TRIM16: variants seen among roughly 807,000 people sequenced by gnomAD.
The protein encoded by TRIM16 is tripartite motif-containing protein 16.
Under a neutral mutation model 50.4 loss-of-function variants are expected in TRIM16, and 33 were observed. The ratio of observed to expected loss-of-function variants is 0.65; its 90% CI spans 0.50 to 0.88. TRIM16 has a LOEUF of 0.88. Among genes scored for constraint, TRIM16 ranks in the 40% least tolerant of loss-of-function variants. TRIM16 has a pLI of 0.00. For missense variants in TRIM16, 581 were observed against 686.8 expected (o/e 0.85, Z 1.72); for synonymous variants, 229 against 270.7 (o/e 0.85, Z 1.51).
intron 6 of TRIM16, 35 bp from the exon 7 acceptor site, chr17:15,651,981 AAG>A: frequency 6.1e-6 from 7 of 1,142,826 alleles, no homozygotes; most frequent in Non-Finnish European, 7.6e-6. Context: ...GCTCTGTTAT[AAG>A]CCTGTGTGGC....
intron 6 of TRIM16, among the ~76,000 whole-genome samples, chr17:15,657,015 C>T (rs1428207061): frequency 2.0e-5 from 3 of 152,134 alleles, no homozygotes; most frequent in Middle Eastern, 3.2e-3. Context: ...ATCCTCCCTT[C>T]ACAACCTCCC....
At chr17:15,665,480 G>A (rs1358855581) in intron 6 of TRIM16, among the ~76,000 whole-genome samples, 1 of 152,168 alleles carries the variant, frequency 6.6e-6, no homozygotes, top group African/African-American at 2.4e-5. Context: ...CTGCACTCCA[G>A]CCTAGGCGAG....
chr17:15,665,226 G>A lies in TRIM16; in HGVS notation c.-338+11950C>T, dbSNP rs575716838. On this transcript the variant is annotated intron_variant, in intron 6 of 11. Coordinates refer to ENST00000649191, the MANE Select transcript of TRIM16 (RefSeq NM_001348119.1). ...CACATTAAGTAGTTTTAAAGAGGCT[G>A]TAGAGGCCGGGCGCAGTGGCTCATG... Among the ~76,000 whole-genome samples, 438 of 151,646 alleles carry A rather than the reference G, an allele frequency of 2.9e-3. 2 individuals carry two copies. The highest frequency in any genetic ancestry group is 4.2e-3 in the Non-Finnish European group (284 of 67,828).
chr17:15,648,159 G>C (rs1987497940), intron 7 of TRIM16, among the ~76,000 whole-genome samples: 2 of 150,912 alleles, frequency 1.3e-5, no homozygotes, highest in Admixed American at 6.6e-5. Flanking sequence ...CCGGGAGGCA[G>C]AGCTTGCAGT....
At chr17:15,666,965 C>T (rs922026244) in intron 6 of TRIM16, among the ~76,000 whole-genome samples, 2 of 152,202 alleles carry the variant, frequency 1.3e-5, no homozygotes, top group Non-Finnish European at 2.9e-5. Context: ...GTCTAATAAT[C>T]TCTGCCTTGG....
At chr17:15,674,396 A>C (rs1988843072) in intron 6 of TRIM16, among the ~76,000 whole-genome samples, 1 of 152,106 alleles carries the variant, frequency 6.6e-6, no homozygotes, top group African/African-American at 2.4e-5. Flanking sequence ...AATAACATTA[A>C]AGAGCTATTT....
intron 4 of TRIM16, among the ~76,000 whole-genome samples, chr17:15,679,834 G>A (rs1989107046): frequency 6.6e-6 from 1 of 152,078 alleles, no homozygotes; most frequent in African/African-American, 2.4e-5. Context: ...CTACTCGGGA[G>A]GCTGAGGCAG....
intron 6 of TRIM16, among the ~76,000 whole-genome samples, chr17:15,670,155 A>G (rs1446115614): frequency 1.3e-5 from 2 of 152,354 alleles, no homozygotes; most frequent in East Asian, 3.9e-4. Flanking sequence ...AATTATTTTC[A>G]TAGCTTGAAG....
rs1299196840 is a variant in TRIM16, at chr17:15,677,594, A to G, written c.-462T>C. On this transcript the variant is annotated 5_prime_UTR_variant, in exon 5 of 12. It removes the in-frame stop codon of an upstream open reading frame in the 5' UTR. Coordinates refer to ENST00000649191, the MANE Select transcript of TRIM16 (RefSeq NM_001348119.1). ...GCTCACCCAAGGAGACCAGGTTCCT[A>G]TAGTTCTCCAGCATTACATCCCTGT... The G allele has an allele frequency of 1.9e-6, 2 of 1,052,850 alleles. No homozygotes were observed. 65.2% of individuals were successfully genotyped at this position (1,052,850 alleles called of 1,614,324 possible). A position where few individuals can be genotyped will look rare whatever the true frequency, so the allele number is the denominator to read the frequency against.
chr17:15,648,244 A>AAAAC (rs1156917300), intron 7 of TRIM16, among the ~76,000 whole-genome samples: 5 of 146,284 alleles, frequency 3.4e-5, no homozygotes, highest in African/African-American at 5.5e-5. Context: ...AAAAAAACAA[A>AAAAC]AAACAAACAA....
intron 9 of TRIM16, among the ~76,000 whole-genome samples, chr17:15,634,636 A>G (rs1312830994): frequency 7.1e-6 from 1 of 140,346 alleles, no homozygotes; most frequent in Non-Finnish European, 1.5e-5. Flanking sequence ...AGTCTCAAAA[A>G]AAAAAAAAAA....
chr17:15,644,728 C>T (rs1035344450), intron 7 of TRIM16, among the ~76,000 whole-genome samples: 1 of 152,162 alleles, frequency 6.6e-6, no homozygotes, highest in African/African-American at 2.4e-5. Flanking sequence ...ACACTTACCA[C>T]TTCAGAGAGT....
chr17:15,632,901 A>T, intron 9 of TRIM16: 1 of 501,220 alleles, frequency 2.0e-6, no homozygotes, highest in Middle Eastern at 5.6e-4. Flanking sequence ...AACAAGTGAG[A>T]ACATGGGATT....
Position 15,651,878 on chromosome 17 carries a change from C to T in TRIM16, c.-269G>A. On this transcript the variant is annotated 5_prime_UTR_variant, in exon 7 of 12. Coordinates refer to ENST00000649191, the MANE Select transcript of TRIM16 (RefSeq NM_001348119.1). ...TGCCTCCCCAGGTCCAGCCCTGAAACTTCTATTCTTATGTGAATCATCTGA... is the reference window on the plus strand; with the variant it reads ...TGCCTCCCCAGGTCCAGCCCTGAAATTTCTATTCTTATGTGAATCATCTGA... The T allele has an allele frequency of 7.2e-7, 1 of 1,396,318 alleles. No homozygotes were observed. The highest frequency in any genetic ancestry group is 3.0e-5 in the Admixed American group (1 of 33,478). The allele number at this position is 1,396,318 out of a possible 1,614,324, so 86.5% of individuals were successfully genotyped here. A position where few individuals can be genotyped will look rare whatever the true frequency, so the allele number is the denominator to read the frequency against.
intron 7 of TRIM16, 32 bp downstream of exon 7, chr17:15,651,058 TC>T: frequency 6.3e-7 from 1 of 1,577,972 alleles, no homozygotes; most frequent in Non-Finnish European, 8.6e-7. Context: ...CACCGCCCTC[TC>T]CCAAATGGAT....
At chr17:15,661,238 T>G (rs988359383) in intron 6 of TRIM16, among the ~76,000 whole-genome samples, 2 of 152,182 alleles carry the variant, frequency 1.3e-5, no homozygotes, top group African/African-American at 2.4e-5. Flanking sequence ...TTACAGTTTG[T>G]GAGAAAATGA....
rs753118418 is a variant in TRIM16, at chr17:15,651,337, C to T, written c.273G>A (p.Lys91=). The change falls in exon 7 of 12, where the codon AAG becomes AAA. Residue 91 remains lysine (K), a synonymous_variant. Coordinates refer to ENST00000649191, the MANE Select transcript of TRIM16 (RefSeq NM_001348119.1). The part of the protein sequence containing the change: ...LDDTRRVKAV[K]SCLTCMVNYC... ...AATTCACCATGCAGGTTAGACAGGA[C>T]TTCACTGCCTTCACTCTTCTGGTGT... 1 of 1,614,136 alleles carries T rather than the reference C, an allele frequency of 6.2e-7. No homozygotes were observed. Among genetic ancestry groups the T allele is most frequent in the African/African-American group, 1.3e-5 (1 of 74,952 alleles).
At chr17:15,662,583 A>G (rs1567684436) in intron 6 of TRIM16, among the ~76,000 whole-genome samples, 1 of 152,250 alleles carries the variant, frequency 6.6e-6, no homozygotes, top group Non-Finnish European at 1.5e-5. Flanking sequence ...CATTTCTAGC[A>G]CAAAGCTATT....
chr17:15,665,059 A>G (rs1320032639), intron 6 of TRIM16, among the ~76,000 whole-genome samples: 1 of 147,370 alleles, frequency 6.8e-6, no homozygotes, highest in Non-Finnish European at 1.5e-5. Context: ...AAAAAGGCAT[A>G]GGCAGTTGGG....
Sources: allele counts gnomAD v4.1 joint callset (sites outside exome capture counted in the v4.1 genomes callset), GRCh38; gene constraint gnomAD v4.1.1; transcripts MANE v1.5; gene names NCBI Gene and HGNC (gene_info 2026-07-23, HGNC 2026-07-21).